Variants in TTN observed in about 807,000 individuals in gnomAD.
The protein encoded by TTN is titin, also known as connectin.
In TTN, 1,525 loss-of-function variants were observed where a neutral mutation model predicts 3,223.0. That is an observed-to-expected ratio of 0.47 (90% CI 0.45 to 0.49). TTN has a LOEUF of 0.49. Among genes scored for constraint, TTN ranks in the 20% least tolerant of loss-of-function variants. The pLI is 0.00. For synonymous variants in TTN, 14,094 were observed against 15,161.0 expected (o/e 0.93, Z 5.17); for missense variants, 40,786 against 43,424.0 (o/e 0.94, Z 5.40).
intron 203 of TTN, 21 bp from the exon 204 acceptor site, chr2:178,652,200 T>G (rs763417291): frequency 6.2e-7 from 1 of 1,612,194 alleles, no homozygotes; most frequent in Admixed American, 1.7e-5. Context: ...TATTATTATT[T>G]TCATTGTTAG....
chr2:178,530,860 C>T lies in TTN; in HGVS notation c.105755G>A (p.Arg35252Gln), dbSNP rs368151146. 2.7e-5 allele frequency: 43 copies of T among 1,613,470 alleles called. No homozygotes were observed. The highest frequency in any genetic ancestry group is 6.6e-5 in the South Asian group (6 of 91,070). ...GTGAGAAGGTTCTGGAGATTTCACT[C>T]GTTTTGGAGACTTAACTGCTTCTGG... ...KSPEAVKSPK[R>Q]VKSPEPSHPK... Residue 35252 changes from arginine to glutamine, a missense_variant, in exon 358 of 363, where the codon CGA becomes CAA. Arg to Gln is a conservative substitution (Grantham distance 43, BLOSUM62 1). Transcript: ENST00000589042.
chr2:178,546,969 A>G, intron 340 of TTN, 34 bp downstream of exon 340: 1 of 1,589,040 alleles, frequency 6.3e-7, no homozygotes, highest in Non-Finnish European at 8.6e-7. Flanking sequence ...ATCAGTAATA[A>G]TAAACAAATA....
intron 129 of TTN, 57 bp from the exon 130 acceptor site, chr2:178,685,046 T>A: frequency 7.2e-7 from 1 of 1,397,258 alleles, no homozygotes; most frequent in South Asian, 1.3e-5. Context: ...AGTGACACAG[T>A]TGTGGGGCTT....
rs560131575 is a variant in TTN at position 178,785,544 on chromosome 2, CCA to C, written c.2493+74_2493+75del. 223 of 1,604,284 alleles carry C rather than the reference CCA, an allele frequency of 1.4e-4. No homozygotes were observed. In the African/African-American group the frequency reaches 2.4e-3, roughly 18 times the overall value. On this transcript the variant is annotated intron_variant, in intron 15 of 362. Coordinates refer to ENST00000589042, the MANE Select transcript of TTN (RefSeq NM_001267550.2). ...AAAAAGAATCCTCCATTGGCCTACC[CCA>C]GAGATGCTCTGTTTCACAGGTTAGA... is the stretch of plus-strand genomic sequence containing the variant.
chr2:178,775,435 A>T lies in TTN; in HGVS notation c.6429T>A (p.Ala2143=), dbSNP rs1313223118. 6.2e-7 allele frequency: 1 copy of T among 1,614,074 alleles called. No homozygotes were observed. The highest frequency in any genetic ancestry group is 2.2e-5 in the East Asian group (1 of 44,828). The part of the protein sequence containing the change: ...VCELVIRDVT[A]EDSASIMVKA... ...TTACCATGATGCTGGCAGAGTCCTC[A>T]GCAGTCACATCTCTTATGACCAATT... Residue 2143 remains alanine, a synonymous_variant, in exon 28 of 363, where the codon GCT becomes GCA. Coordinates refer to ENST00000589042, the MANE Select transcript of TTN (RefSeq NM_001267550.2).
chr2:178,694,175 T>C (rs1339907011), intron 117 of TTN, among the ~76,000 whole-genome samples, 167 bp from the exon 118 acceptor site: 2 of 152,144 alleles, frequency 1.3e-5, no homozygotes, highest in East Asian at 3.9e-4. Flanking sequence ...TTTTGATCTA[T>C]AGGGACAAAC....
In TTN at chr2:178,644,620, T is replaced by G. The variant is rs761309441; in HGVS notation, c.40409-4A>C. 7 of 1,550,036 alleles carry G rather than the reference T, an allele frequency of 4.5e-6. No individual in the cohort carries two copies. The highest frequency in any genetic ancestry group is 5.2e-6 in the Non-Finnish European group (6 of 1,150,884). On this transcript the variant is annotated splice_region_variant and splice_polypyrimidine_tract_variant and intron_variant, in intron 217 of 362. Transcript: ENST00000589042. ...GGAACTTTCTTCTTTGGAATAGCTT[T>G]AAAGAATATGATTTTACTTTTGTTA...
chr2:178,614,589 T>G lies in TTN; in HGVS notation c.48925A>C (p.Asn16309His). 6.2e-7 allele frequency: 1 copy of G among 1,612,398 alleles called. No individual in the cohort carries two copies. The highest frequency in any genetic ancestry group is 8.5e-7 in the Non-Finnish European group (1 of 1,179,134). ...GTCACTGTGGATTTCTTAGGGACAT[T>G]TTCAATGGTAATTCTTTTGTCCTGC... The part of the protein sequence containing the change: ...LKQDKRITIE[N>H]VPKKSTVTIV... Residue 16309 changes from asparagine to histidine, a missense_variant, in exon 261 of 363, where the codon AAT (asparagine) becomes CAT (histidine). Transcript: ENST00000589042.
Position 178,539,777 on chromosome 2 carries a change from T to C in TTN, c.98288A>G (p.Lys32763Arg), listed in dbSNP as rs879242471. Reference sequence around the variant, plus strand: ...GCCAGAATCACCCCTGTCTGCTTCTTTGATCACAAGCTCAGTGTGTGTTTC... The same window carrying C: ...GCCAGAATCACCCCTGTCTGCTTCTCTGATCACAAGCTCAGTGTGTGTTTC... The part of the protein sequence containing the change: ...TSETHTELVI[K>R]EADRGDSGTY... The change falls in exon 352 of 363, where the codon AAA becomes AGA. Residue 32763 changes from lysine to arginine, a missense_variant. Lys to Arg is a conservative substitution (Grantham distance 26). Coordinates refer to ENST00000589042, the MANE Select transcript of TTN (RefSeq NM_001267550.2). 4.3e-6 allele frequency: 7 copies of C among 1,613,750 alleles called. No homozygotes were observed. The African/African-American group carries it at 9.3e-5, about 22-fold the overall frequency.
Position 178,536,566 on chromosome 2 carries a change from C to T in TTN, c.100181G>A (p.Gly33394Asp), listed in dbSNP as rs770179598. 1.1e-5 allele frequency: 16 copies of T among 1,491,680 alleles called. No individual in the cohort carries two copies. In the East Asian group the frequency reaches 3.5e-4, roughly 32 times the overall value. The allele number at this position is 1,491,680 out of a possible 1,614,324, so 92.4% of individuals were successfully genotyped here. A position where few individuals can be genotyped will look rare whatever the true frequency, so the allele number is the denominator to read the frequency against. The change falls in exon 357 of 363, where the codon GGT becomes GAT. Residue 33394 changes from glycine to aspartate, a missense_variant. Gly to Asp is a moderately conservative substitution (Grantham distance 94). Transcript: ENST00000589042. The part of the protein sequence containing the change: ...VIIKSPFEKP[G>D]APGKPTITAV... ...AGTAATAGTTGGTTTGCCAGGAGCA[C>T]CTGGCTTTTCTATTAAACAAAAAAA...
intron 304 of TTN, 127 bp downstream of exon 304, chr2:178,588,411 G>T: frequency 7.9e-7 from 1 of 1,260,732 alleles, no homozygotes; most frequent in Non-Finnish European, 1.1e-6. Context: ...AGGTCTATTT[G>T]GAAAAATATT....
Position 178,577,684 on chromosome 2 carries a change from G to A in TTN, c.68742C>T (p.Phe22914=). Reference sequence around the variant, plus strand: ...CTGCTGTATTCTTTGCTCTAATTCTGAATTCATATTTTCCACCCTCAACAA... The same window carrying A: ...CTGCTGTATTCTTTGCTCTAATTCTAAATTCATATTTTCCACCCTCAACAA... ...TDLVEGGKYE[F]RIRAKNTAGA... is the part of the protein sequence containing the mutation. The change falls in exon 323 of 363, where the codon TTC becomes TTT. Residue 22914 remains phenylalanine, a synonymous_variant. Coordinates refer to ENST00000589042, the MANE Select transcript of TTN (RefSeq NM_001267550.2). 6.2e-7 allele frequency: 1 copy of A among 1,613,272 alleles called. No individual in the cohort carries two copies. The highest frequency in any genetic ancestry group is 8.5e-7 in the Non-Finnish European group (1 of 1,179,558).
chr2:178,764,220 A>G lies in TTN; in HGVS notation c.10071T>C (p.Ser3357=). Residue 3357 remains serine, a synonymous_variant, in exon 43 of 363, where the codon TCT becomes TCC. Coordinates refer to ENST00000589042, the MANE Select transcript of TTN (RefSeq NM_001267550.2). ...ATTGAAAACGGGCTGGCTGCCCTTCAGAAGTGACAGTGTCCTGAAGCGGGG... is the reference window on the plus strand; with the variant it reads ...ATTGAAAACGGGCTGGCTGCCCTTCGGAAGTGACAGTGTCCTGAAGCGGGG... ...IITPLQDTVT[S]EGQPARFQCR... 1 of 1,614,126 alleles carries G rather than the reference A, an allele frequency of 6.2e-7. No homozygotes were observed. Among genetic ancestry groups the G allele is most frequent in the Non-Finnish European group, 8.5e-7 (1 of 1,179,970 alleles).
chr2:178,542,305 G>C lies in TTN; in HGVS notation c.97451C>G (p.Ser32484Cys). The change falls in exon 349 of 363, where the codon TCT becomes TGT. Residue 32484 changes from serine (S) to cysteine (C), a missense_variant. Coordinates refer to ENST00000589042, the MANE Select transcript of TTN (RefSeq NM_001267550.2). ...CTCTATGACCTCAGACTGCAAGTAAGAGCCAATCCCGAAGCGGTTTGTTGC... is the reference window on the plus strand; with the variant it reads ...CTCTATGACCTCAGACTGCAAGTAACAGCCAATCCCGAAGCGGTTTGTTGC... ...VAATNRFGIG[S>C]YLQSEVIECR... is the part of the protein sequence containing the mutation. 2 of 1,612,208 alleles carry C rather than the reference G, an allele frequency of 1.2e-6. No homozygotes were observed. Among genetic ancestry groups the C allele is most frequent in the South Asian group, 2.2e-5 (2 of 90,738 alleles).
chr2:178,636,479 G>A lies in TTN; in HGVS notation c.41248C>T (p.Leu13750Phe). 6.2e-7 allele frequency: 1 copy of A among 1,613,392 alleles called. No homozygotes were observed. The highest frequency in any genetic ancestry group is 8.5e-7 in the Non-Finnish European group (1 of 1,179,560). Residue 13750 changes from leucine to phenylalanine, a missense_variant, in exon 225 of 363, where the codon CTT becomes TTT. Transcript: ENST00000589042. This position sits in a 1 kb window ranked among gnomAD's most constrained non-coding sequence, Gnocchi z 4.3. ...CAGGTGTATTCACCAGCATCGGAAA[G>A]TTGAACATCAATGATGTGCAGCTTT... ...DRKLHIIDVQ[L>F]SDAGEYTCVL... is the part of the protein sequence containing the mutation.
rs772406721 is a variant in TTN at position 178,620,211 on chromosome 2, G to A, written c.46304+6C>T. The A allele has an allele frequency of 6.5e-7, 1 of 1,540,400 alleles. No homozygotes were observed. The highest frequency in any genetic ancestry group is 8.7e-7 in the Non-Finnish European group (1 of 1,148,158). Reference sequence around the variant, plus strand: ...CAGAAATAGAGAATAAAAAGATCTTGCTTACTTTTTGCCTTCTTTGATTTC... The same window carrying A: ...CAGAAATAGAGAATAAAAAGATCTTACTTACTTTTTGCCTTCTTTGATTTC... On this transcript the variant is annotated splice_donor_region_variant and intron_variant, in intron 248 of 362. Coordinates refer to ENST00000589042, the MANE Select transcript of TTN (RefSeq NM_001267550.2).
At chr2:178,709,440 C>T (rs2076332098) in intron 99 of TTN, 126 bp downstream of exon 99, 6 of 959,462 alleles carry the variant, frequency 6.3e-6, no homozygotes, top group Non-Finnish European at 8.9e-6. Flanking sequence ...GATAAATACA[C>T]AGTTAAATAA....
At chr2:178,676,848 G>A (rs1302808152) in intron 147 of TTN, among the ~76,000 whole-genome samples, 2 of 151,478 alleles carry the variant, frequency 1.3e-5, no homozygotes, top group East Asian at 1.9e-4. Context: ...GTTGAAGGAA[G>A]AAATTTAAGA....
rs1709621384 is a variant in TTN, at chr2:178,575,219, A to G, written c.70913T>C (p.Ile23638Thr). The G allele has an allele frequency of 6.2e-7, 1 of 1,612,924 alleles. No individual in the cohort carries two copies. The highest frequency in any genetic ancestry group is 8.5e-7 in the Non-Finnish European group (1 of 1,179,470). The part of the protein sequence containing the change: ...TMLPELDLRG[I>T]YQKLVIAKAG... Reference sequence around the variant, plus strand: ...TTTGGCAATGACCAGTTTCTGATAGATGCCACGGAGATCCAGCTCTGGAAG... The same window carrying G: ...TTTGGCAATGACCAGTTTCTGATAGGTGCCACGGAGATCCAGCTCTGGAAG... The change falls in exon 326 of 363, where the codon ATC becomes ACC. Residue 23638 changes from isoleucine (I) to threonine (T), a missense_variant. Physicochemically the swap from Ile to Thr is moderately conservative, Grantham distance 89 (BLOSUM62 -1). Coordinates refer to ENST00000589042, the MANE Select transcript of TTN (RefSeq NM_001267550.2). This position sits in a 1 kb window ranked among gnomAD's most constrained non-coding sequence, Gnocchi z 4.0.
Sources: gnomAD v4.1 joint callset for allele counts (sites outside exome capture counted in the v4.1 genomes callset) on GRCh38, gnomAD v4.1.1 for gene constraint, Gnocchi (gnomAD v3.1) non-coding constraint, MANE v1.5 for transcripts, NCBI Gene and HGNC (gene_info 2026-07-23, HGNC 2026-07-21) for gene names.